CEP162: variants seen among roughly 807,000 people sequenced by gnomAD.
The protein encoded by CEP162 is centrosomal protein of 162 kDa.
In CEP162, 141 loss-of-function variants were observed where a neutral mutation model predicts 169.2. The observed-to-expected ratio is 0.83, with a 90% CI of 0.73 to 0.96. The LOEUF (loss-of-function observed/expected upper bound fraction) is 0.96, where lower values mean the gene tolerates loss of function less well. Ranked by LOEUF, CEP162 falls within the 40% of genes least tolerant of loss-of-function variation. CEP162 has a pLI of 0.00. For synonymous variants in CEP162, 540 were observed against 526.4 expected, an observed-to-expected ratio of 1.03 and a Z score of -0.35; for missense variants, 1,600 against 1,587.2, an observed-to-expected ratio of 1.01 and a Z score of -0.14.
chr6:84,220,950 A>G, intron 3 of CEP162, 107 bp downstream of exon 3: 1 of 583,212 alleles, frequency 1.7e-6, no homozygotes, highest in Non-Finnish European at 3.1e-6. Context: ...AATCCACACT[A>G]TTAGTATTAT....
chr6:84,162,028 A>G, intron 19 of CEP162, 119 bp from the exon 20 acceptor site: 1 of 657,980 alleles, frequency 1.5e-6, no homozygotes, highest in East Asian at 2.8e-5. Flanking sequence ...ATGAAAAAAT[A>G]AGAAGCATAA....
At chr6:84,213,655 T>C (rs1301458164) in intron 5 of CEP162, among the ~76,000 whole-genome samples, 1 of 152,216 alleles carries the variant, frequency 6.6e-6, no homozygotes, top group Admixed American at 6.5e-5. Context: ...TGATGAGAGC[T>C]ACAAACACCT....
intron 25 of CEP162, among the ~76,000 whole-genome samples, chr6:84,146,140 C>T (rs1205755915): frequency 2.0e-5 from 3 of 152,064 alleles, no homozygotes; most frequent in Non-Finnish European, 4.4e-5. Context: ...TTTGCCAATC[C>T]CTGATCTCAC....
In CEP162 at chr6:84,160,904, T is replaced by G. The variant is rs753122732; in HGVS notation, c.2689A>C (p.Lys897Gln). The G allele has an allele frequency of 1.9e-6, 3 of 1,607,772 alleles. No individual in the cohort carries two copies. The highest frequency in any genetic ancestry group is 2.6e-6 in the Non-Finnish European group (3 of 1,175,148). The change falls in exon 21 of 27, where the codon AAA becomes CAA. Residue 897 changes from lysine to glutamine, a missense_variant. Coordinates refer to ENST00000403245, the MANE Select transcript of CEP162 (RefSeq NM_014895.4). ...EKLKLEIEKL[K>Q]AESGNPSIRQ... ...ATAGATGGATTCCCAGATTCAGCTT[T>G]CAGTTTCTCAATCTGTCAATAAATA...
At chr6:84,156,553 A>G (rs970595754) in intron 21 of CEP162, among the ~76,000 whole-genome samples, 4 of 152,200 alleles carry the variant, frequency 2.6e-5, no homozygotes, top group African/African-American at 9.6e-5. Context: ...TTATTATTAG[A>G]AAGTTAATAA....
At chr6:84,161,725 A>G (rs1317965741) in intron 20 of CEP162, 21 bp downstream of exon 20, 3 of 1,536,152 alleles carry the variant, frequency 2.0e-6, no homozygotes, top group Admixed American at 2.0e-5. Flanking sequence ...GAGAAGAAAT[A>G]CATTCTGAAA....
chr6:84,205,558 T>C (rs1001949075), intron 6 of CEP162, among the ~76,000 whole-genome samples: 20 of 152,208 alleles, frequency 1.3e-4, no homozygotes, highest in African/African-American at 4.8e-4. Flanking sequence ...TAGGTATTCA[T>C]GGGAAGTATC....
intron 25 of CEP162, among the ~76,000 whole-genome samples, chr6:84,134,584 C>G (rs1266465376): frequency 6.6e-6 from 1 of 152,158 alleles, no homozygotes; most frequent in Non-Finnish European, 1.5e-5. Context: ...TCACGGCTTC[C>G]CTTGGCTAGG....
chr6:84,159,523 T>TTATATATATATATATATATATATA (rs1554166777), intron 21 of CEP162, among the ~76,000 whole-genome samples: 5 of 37,140 alleles, frequency 1.3e-4, no homozygotes, highest in African/African-American at 5.5e-4. Flanking sequence ...AATTAATTAT[T>TTATATATATATATATATATATATA]TATATATATA....
intron 6 of CEP162, among the ~76,000 whole-genome samples, chr6:84,212,538 A>T (rs2099549893): frequency 6.6e-6 from 1 of 151,750 alleles, no homozygotes; most frequent in Non-Finnish European, 1.5e-5. Context: ...TACAACAAAG[A>T]AGAATAGCTA....
chr6:84,163,089 C>A, intron 19 of CEP162, 55 bp downstream of exon 19: 1 of 1,532,722 alleles, frequency 6.5e-7, no homozygotes, highest in Non-Finnish European at 8.9e-7. Context: ...TACTTAAATT[C>A]AACATTAGAA....
chr6:84,204,310 T>C (rs1026411776), intron 6 of CEP162, among the ~76,000 whole-genome samples: 4 of 152,194 alleles, frequency 2.6e-5, no homozygotes, highest in African/African-American at 7.2e-5. Flanking sequence ...TATTCCAAAA[T>C]TGACCACATA....
At chr6:84,196,064 T>A (rs1445526081) in intron 9 of CEP162, among the ~76,000 whole-genome samples, 1 of 152,178 alleles carries the variant, frequency 6.6e-6, no homozygotes, top group Non-Finnish European at 1.5e-5. Context: ...TCATTCACTC[T>A]TCCTTCCCTA....
At chr6:84,198,730 T>C (rs984280882) in intron 9 of CEP162, among the ~76,000 whole-genome samples, 5 of 152,088 alleles carry the variant, frequency 3.3e-5, no homozygotes, top group South Asian at 2.1e-4. Flanking sequence ...AACAACAAAG[T>C]TGTAACTGTT....
intron 18 of CEP162, among the ~76,000 whole-genome samples, chr6:84,164,067 C>T (rs924661951): frequency 4.0e-5 from 6 of 149,204 alleles, no homozygotes; most frequent in East Asian, 2.0e-4. Flanking sequence ...TCTCAAAAGA[C>T]GACATTTATG....
intron 11 of CEP162, among the ~76,000 whole-genome samples, chr6:84,189,184 T>A (rs1034099518): frequency 4.0e-5 from 6 of 151,796 alleles, no homozygotes; most frequent in African/African-American, 1.5e-4. Flanking sequence ...CCCGAGTAGC[T>A]GGTGAGAGGT....
At chr6:84,224,735 G>C (rs1227810308) in intron 2 of CEP162, among the ~76,000 whole-genome samples, 1 of 152,042 alleles carries the variant, frequency 6.6e-6, no homozygotes, top group Non-Finnish European at 1.5e-5. Flanking sequence ...ATAAGAGGAA[G>C]AGAGACACAG....
chr6:84,199,535 T>C (rs967474103), intron 9 of CEP162, among the ~76,000 whole-genome samples: 1 of 135,948 alleles, frequency 7.4e-6, no homozygotes, highest in African/African-American at 2.9e-5. Context: ...AGGTATACTA[T>C]ATATCAATTA....
chr6:84,208,788 A>G (rs1180819983), intron 6 of CEP162, among the ~76,000 whole-genome samples: 1 of 152,258 alleles, frequency 6.6e-6, no homozygotes, highest in Non-Finnish European at 1.5e-5. Flanking sequence ...GGATTTTCTA[A>G]TATCAGTAGA....
Sources: gnomAD v4.1 joint callset for allele counts (sites outside exome capture counted in the v4.1 genomes callset) on GRCh38, gnomAD v4.1.1 for gene constraint, MANE v1.5 for transcripts, NCBI Gene and HGNC (gene_info 2026-07-23, HGNC 2026-07-21) for gene names.